CREM: variants seen among roughly 807,000 people sequenced by gnomAD.
CREM encodes cAMP-responsive element modulator.
CREM carries 13 observed loss-of-function variants against 37.3 expected under a neutral mutation model. That is an observed-to-expected ratio of 0.35 (90% CI 0.23 to 0.55). CREM has a LOEUF of 0.55. Among genes scored for constraint, CREM ranks in the 20% least tolerant of loss-of-function variants. The pLI is 0.88. For missense variants in CREM, 296 were observed against 362.3 expected (o/e 0.82, Z 1.49); for synonymous variants, 124 against 120.2 (o/e 1.03, Z -0.21).
chr10:35,184,490 T>C (rs2094471550), intron 5 of CREM, among the ~76,000 whole-genome samples: 1 of 152,148 alleles, frequency 6.6e-6, no homozygotes, highest in African/African-American at 2.4e-5. Flanking sequence ...ACATTTTCAA[T>C]GGGAAGGTCC....
At chr10:35,196,092 G>C (rs759924492) in intron 6 of CREM, 1 of 1,614,144 alleles carries the variant, frequency 6.2e-7, no homozygotes, top group Non-Finnish European at 8.5e-7. Context: ...TGTCTGGCCA[G>C]CTTAGTGGTA....
chr10:35,164,477 T>G (rs943639927), intron 3 of CREM, among the ~76,000 whole-genome samples: 1 of 152,242 alleles, frequency 6.6e-6, no homozygotes, highest in Non-Finnish European at 1.5e-5. Context: ...TGTCAGGAGC[T>G]TGCTTAAAAT....
At chr10:35,186,717 T>C (rs1355757111) in intron 5 of CREM, among the ~76,000 whole-genome samples, 4 of 136,688 alleles carry the variant, frequency 2.9e-5, no homozygotes, top group African/African-American at 5.4e-5. Flanking sequence ...ATACAACATA[T>C]ATAACTATAT....
chr10:35,133,506 C>T (rs2089836249), intron 1 of CREM, among the ~76,000 whole-genome samples: 1 of 152,024 alleles, frequency 6.6e-6, no homozygotes, highest in South Asian at 2.1e-4. Context: ...ACCATGTTGG[C>T]CAGGCTGGTC....
At chr10:35,154,040 T>A in intron 3 of CREM, 1 of 398,580 alleles carries the variant, frequency 2.5e-6, no homozygotes, top group Non-Finnish European at 4.4e-6. Flanking sequence ...TCTTATCCTT[T>A]CTTATCTTTT....
In CREM at chr10:35,177,931, G is replaced by A. The variant is rs906080082; in HGVS notation, c.169-958G>A. Among the ~76,000 whole-genome samples, 4 of 152,140 alleles carry A rather than the reference G, an allele frequency of 2.6e-5. No homozygotes were observed. The East Asian group carries it at 7.7e-4, about 29-fold the overall frequency. Reference sequence around the variant, plus strand: ...TTTCTCAGTCCTGTTGATTGGGTGTGTGTGCTTATGTGTGGGGCGTTCATG... The same window carrying A: ...TTTCTCAGTCCTGTTGATTGGGTGTATGTGCTTATGTGTGGGGCGTTCATG... On this transcript the variant is annotated intron_variant, in intron 3 of 7. Transcript: ENST00000685392.
intron 3 of CREM, among the ~76,000 whole-genome samples, chr10:35,173,482 C>T (rs919090936): frequency 6.6e-6 from 1 of 152,126 alleles, no homozygotes; most frequent in African/African-American, 2.4e-5. Flanking sequence ...CAGTGCTACT[C>T]TTCTGATTTT....
At chr10:35,167,095 C>T (rs958617914) in intron 3 of CREM, among the ~76,000 whole-genome samples, 15 of 152,066 alleles carry the variant, frequency 9.9e-5, no homozygotes, top group Admixed American at 3.3e-4. Context: ...GAGCCGAGAT[C>T]GCACCACTGC....
At chr10:35,130,623 A>G (rs760532633) in intron 1 of CREM, among the ~76,000 whole-genome samples, 14 of 152,216 alleles carry the variant, frequency 9.2e-5, no homozygotes, top group Non-Finnish European at 1.2e-4. Flanking sequence ...GTCAGAGGGC[A>G]GAGTATTACC....
intron 7 of CREM, 75 bp downstream of exon 7, chr10:35,207,126 C>T: frequency 1.3e-5 from 20 of 1,483,618 alleles, no homozygotes; most frequent in Non-Finnish European, 1.6e-5. Context: ...GGCGCAGTGG[C>T]TCACGCCTGT....
At chr10:35,174,037 A>G (rs1032864896) in intron 3 of CREM, among the ~76,000 whole-genome samples, 2 of 152,200 alleles carry the variant, frequency 1.3e-5, no homozygotes, top group African/African-American at 2.4e-5. Flanking sequence ...TGTTAAATCT[A>G]CTGGTTCCAT....
intron 3 of CREM, among the ~76,000 whole-genome samples, chr10:35,165,607 A>G (rs1180980813): frequency 2.0e-5 from 3 of 152,116 alleles, no homozygotes; most frequent in Non-Finnish European, 4.4e-5. Flanking sequence ...GATCAGTTTC[A>G]GTCTTACTGA....
At chr10:35,131,135 T>C (rs965184688) in intron 1 of CREM, among the ~76,000 whole-genome samples, 11 of 152,152 alleles carry the variant, frequency 7.2e-5, no homozygotes, top group African/African-American at 2.4e-4. Context: ...GTCAGACTTT[T>C]TTGAAGCCTC....
At chr10:35,166,076 C>G (rs1011827654) in intron 3 of CREM, among the ~76,000 whole-genome samples, 1 of 151,832 alleles carries the variant, frequency 6.6e-6, no homozygotes, top group African/African-American at 2.4e-5. Flanking sequence ...TCAGCTTATG[C>G]GCTATACATA....
intron 3 of CREM, chr10:35,175,926 C>G (rs2094045946): frequency 6.4e-7 from 1 of 1,551,876 alleles, no homozygotes; most frequent in Non-Finnish European, 8.7e-7. Flanking sequence ...TCGGGCCAAA[C>G]TATACATGTC....
intron 5 of CREM, among the ~76,000 whole-genome samples, chr10:35,183,292 T>C (rs2094429921): frequency 6.6e-6 from 1 of 152,258 alleles, no homozygotes; most frequent in South Asian, 2.1e-4. Context: ...GGACTCCTTA[T>C]AAGAATTCAG....
At chr10:35,138,380 T>C (rs2090914328) in intron 2 of CREM, among the ~76,000 whole-genome samples, 1 of 152,234 alleles carries the variant, frequency 6.6e-6, no homozygotes, top group Non-Finnish European at 1.5e-5. Flanking sequence ...TTTGTAAAGT[T>C]ATTTAAAATA....
chr10:35,134,947 A>G (rs1208689406), intron 1 of CREM, among the ~76,000 whole-genome samples: 2 of 152,052 alleles, frequency 1.3e-5, no homozygotes, highest in African/African-American at 4.8e-5. Context: ...CTGAGGCATG[A>G]GAACTGCTTG....
At chr10:35,162,182 T>C (rs2093332632) in intron 3 of CREM, among the ~76,000 whole-genome samples, 1 of 152,238 alleles carries the variant, frequency 6.6e-6, no homozygotes, top group Admixed American at 6.5e-5. Flanking sequence ...GAAAGACACA[T>C]ACTGCATGCT....
Sources: allele counts gnomAD v4.1 joint callset (sites outside exome capture counted in the v4.1 genomes callset), GRCh38; gene constraint gnomAD v4.1.1; transcripts MANE v1.5; gene names NCBI Gene and HGNC (gene_info 2026-07-23, HGNC 2026-07-21).